The following SLC12A2 variants were observed in gnomAD, a reference collection of about 807,000 sequenced individuals.
SLC12A2 encodes the protein solute carrier family 12 member 2.
SLC12A2 carries 67 observed loss-of-function variants against 136.3 expected under a neutral mutation model. The ratio of observed to expected loss-of-function variants is 0.49; its 90% CI spans 0.40 to 0.60. The LOEUF is 0.60. SLC12A2 is among the 20% of genes least tolerant of loss of function. SLC12A2 has a pLI of 0.00. For missense variants in SLC12A2, 1,322 were observed against 1,534.7 expected (o/e 0.86, Z 2.32); for synonymous variants, 619 against 562.9 (o/e 1.10, Z -1.41).
At position 128,188,463 on chromosome 5, in the gene SLC12A2, T is replaced by G. The variant is rs551554408; in HGVS notation, c.*1832T>G. ...GTGCACGCCACCATGCCCAGCTAAT[T>G]TTTGTATTTTGAGTAGAGACAGGGT... On this transcript the variant is annotated 3_prime_UTR_variant, in exon 27 of 27. Transcript: ENST00000262461. 6.6e-6 allele frequency: 1 copy of G among 152,056 alleles called. No homozygotes were observed. The highest frequency in any genetic ancestry group is 2.4e-5 in the African/African-American group (1 of 41,446). 9.4% of individuals were successfully genotyped at this position (152,056 alleles called of 1,614,324 possible). A position where few individuals can be genotyped will look rare whatever the true frequency, so the allele number is the denominator to read the frequency against.
intron 1 of SLC12A2, among the ~76,000 whole-genome samples, chr5:128,090,339 A>C (rs1406484750): frequency 1.3e-5 from 2 of 152,178 alleles, no homozygotes; most frequent in Non-Finnish European, 2.9e-5. Context: ...ATCCTGTGAG[A>C]CTAGAATTTA....
chr5:128,095,096 G>A (rs896407236), intron 1 of SLC12A2, among the ~76,000 whole-genome samples: 1 of 152,048 alleles, frequency 6.6e-6, no homozygotes, highest in African/African-American at 2.4e-5. Flanking sequence ...AGAGTCTAAT[G>A]TTCTTCTAAT....
intron 26 of SLC12A2, among the ~76,000 whole-genome samples, 193 bp from the exon 27 acceptor site, chr5:128,186,303 G>A (rs946600066): frequency 2.6e-5 from 4 of 152,064 alleles, no homozygotes; most frequent in Admixed American, 6.5e-5. Context: ...TGAGAAATGC[G>A]TCTCCATCGC....
intron 1 of SLC12A2, among the ~76,000 whole-genome samples, chr5:128,099,760 C>T (rs948255992): frequency 3.9e-5 from 6 of 152,096 alleles, no homozygotes; most frequent in African/African-American, 1.4e-4. Context: ...TAGCCTAAGC[C>T]TATAAAGGTT....
chr5:128,145,018 C>A (rs1762485005), intron 10 of SLC12A2, among the ~76,000 whole-genome samples: 1 of 151,830 alleles, frequency 6.6e-6, no homozygotes, highest in Non-Finnish European at 1.5e-5. Context: ...ATATCATTAT[C>A]CTTGCTGCTG....
At chr5:128,178,777 C>A in intron 22 of SLC12A2, 88 bp downstream of exon 22, 2 of 1,013,208 alleles carry the variant, frequency 2.0e-6, no homozygotes, top group Non-Finnish European at 2.7e-6. Context: ...TACCTGTGGA[C>A]CCCATTCAAA....
intron 16 of SLC12A2, among the ~76,000 whole-genome samples, chr5:128,159,312 C>T (rs1184578301): frequency 2.0e-5 from 3 of 152,090 alleles, no homozygotes; most frequent in Admixed American, 6.5e-5. Context: ...TGTAAGAAAA[C>T]ATAGGCAGTA....
At chr5:128,174,103 T>A (rs1042985327) in intron 19 of SLC12A2, among the ~76,000 whole-genome samples, 1 of 152,186 alleles carries the variant, frequency 6.6e-6, no homozygotes, top group South Asian at 2.1e-4. Context: ...TCTACTGTCC[T>A]ATGACTTGTA....
intron 12 of SLC12A2, among the ~76,000 whole-genome samples, chr5:128,149,457 A>G (rs905275204): frequency 6.6e-6 from 1 of 151,930 alleles, no homozygotes; most frequent in Non-Finnish European, 1.5e-5. Flanking sequence ...TATGTACCCT[A>G]TAGAAACTTG....
At chr5:128,184,108 T>G (rs1351204949) in intron 24 of SLC12A2, among the ~76,000 whole-genome samples, 1 of 152,078 alleles carries the variant, frequency 6.6e-6, no homozygotes, top group African/African-American at 2.4e-5. Context: ...GTTTTAGATT[T>G]TGAAGCATTT....
chr5:128,106,483 T>G (rs1760941888), intron 1 of SLC12A2, among the ~76,000 whole-genome samples: 1 of 152,188 alleles, frequency 6.6e-6, no homozygotes, highest in Non-Finnish European at 1.5e-5. Flanking sequence ...TTCAGGAAAT[T>G]AATACAATTA....
chr5:128,151,430 G>T, intron 14 of SLC12A2, 34 bp downstream of exon 14: 1 of 1,573,680 alleles, frequency 6.4e-7, no homozygotes, highest in Admixed American at 1.9e-5. Flanking sequence ...TCCCAAGCTA[G>T]AAAACATCTA....
At chr5:128,148,692 A>G in intron 11 of SLC12A2, 62 bp from the exon 12 acceptor site, 1 of 1,377,070 alleles carries the variant, frequency 7.3e-7, no homozygotes, top group Non-Finnish European at 9.9e-7. Flanking sequence ...ACCTATTAGA[A>G]CTATCAGCAA....
intron 17 of SLC12A2, among the ~76,000 whole-genome samples, chr5:128,162,723 CAGAG>C (rs1442236310): frequency 1.3e-5 from 2 of 151,960 alleles, no homozygotes; most frequent in African/African-American, 4.8e-5. Flanking sequence ...AAGATATGAA[CAGAG>C]AGGAAAACTA....
chr5:128,101,568 G>T (rs1331054139), intron 1 of SLC12A2, among the ~76,000 whole-genome samples: 1 of 152,170 alleles, frequency 6.6e-6, no homozygotes, highest in East Asian at 1.9e-4. Flanking sequence ...ATACACTTTT[G>T]TATGTTAACA....
intron 7 of SLC12A2, 33 bp from the exon 8 acceptor site, chr5:128,138,564 C>G: frequency 1.3e-6 from 2 of 1,589,466 alleles, no homozygotes; most frequent in Non-Finnish European, 1.7e-6. Flanking sequence ...ATTTGCTCTC[C>G]ATTAATTGTC....
At chr5:128,167,957 T>G in intron 18 of SLC12A2, 90 bp downstream of exon 18, 1 of 663,824 alleles carries the variant, frequency 1.5e-6, no homozygotes, top group East Asian at 3.0e-5. Context: ...GTTTCTCATA[T>G]AGTCTCTTGT....
chr5:128,154,732 G>C (rs1214447388), intron 15 of SLC12A2, among the ~76,000 whole-genome samples: 1 of 152,112 alleles, frequency 6.6e-6, no homozygotes, highest in Non-Finnish European at 1.5e-5. Flanking sequence ...TGTTGTTCAT[G>C]TCTTCTATCC....
intron 1 of SLC12A2, among the ~76,000 whole-genome samples, chr5:128,107,456 C>T (rs1760984102): frequency 6.6e-6 from 1 of 152,126 alleles, no homozygotes; most frequent in Non-Finnish European, 1.5e-5. Context: ...CTCCCTGCCG[C>T]AACAGACCCC....
Sources: gnomAD v4.1 joint callset for allele counts (sites outside exome capture counted in the v4.1 genomes callset) on GRCh38, gnomAD v4.1.1 for gene constraint, MANE v1.5 for transcripts, NCBI Gene and HGNC (gene_info 2026-07-23, HGNC 2026-07-21) for gene names.